CHRNB4: variants seen among roughly 807,000 people sequenced by gnomAD.
CHRNB4 encodes the protein neuronal acetylcholine receptor subunit beta-4.
In CHRNB4, 23 loss-of-function variants were observed where a neutral mutation model predicts 40.4. That is an observed-to-expected ratio of 0.57 (90% CI 0.41 to 0.81). The LOEUF is 0.81. Among genes scored for constraint, CHRNB4 ranks in the 30% least tolerant of loss-of-function variants. The pLI is 0.00. For missense variants in CHRNB4, 568 were observed against 670.6 expected (o/e 0.85, Z 1.69); for synonymous variants, 285 against 274.4 (o/e 1.04, Z -0.38).
chr15:78,660,021 A>G (rs1217194179), intron 1 of CHRNB4, among the ~76,000 whole-genome samples: 2 of 152,112 alleles, frequency 1.3e-5, no homozygotes, highest in Non-Finnish European at 2.9e-5. Context: ...AGCCTGGCCA[A>G]CATGGTGAAA....
At chr15:78,652,869 G>A (rs2054184666) in intron 5 of CHRNB4, among the ~76,000 whole-genome samples, 1 of 152,202 alleles carries the variant, frequency 6.6e-6, no homozygotes, top group African/African-American at 2.4e-5. Flanking sequence ...CAGAAATGAT[G>A]GCGGCACTAG....
upstream of CHRNB4, chr15:78,661,492 T>G: frequency 1.9e-6 from 1 of 523,136 alleles, no homozygotes; most frequent in Non-Finnish European, 3.7e-6. Flanking sequence ...ATGGAGTTGA[T>G]TTGTCTGGCC....
At chr15:78,640,549 C>T (rs2054047882) in intron 1 of CHRNB4, among the ~76,000 whole-genome samples, 3 of 152,242 alleles carry the variant, frequency 2.0e-5, no homozygotes, top group Admixed American at 2.0e-4. Flanking sequence ...CCTTCTCGGC[C>T]CAGTGTCCCC....
At chr15:78,628,371 A>C (rs138812733) in intron 5 of CHRNB4, among the ~76,000 whole-genome samples, 1 of 152,276 alleles carries the variant, frequency 6.6e-6, no homozygotes, top group East Asian at 1.9e-4. Context: ...CTGCAGAGTC[A>C]CTTCCCAGCC....
At position 78,629,641 on chromosome 15, in the gene CHRNB4, C is replaced by T. The variant is rs762961566; in HGVS notation, c.664G>A (p.Val222Met). The T allele has an allele frequency of 7.4e-6, 12 of 1,614,136 alleles. No homozygotes were observed. In the Middle Eastern group the frequency reaches 4.9e-4, roughly 67 times the overall value. Residue 222 changes from valine (V) to methionine (M), a missense_variant, in exon 5 of 6, where the codon GTG becomes ATG. Val to Met is a conservative substitution (Grantham distance 21, BLOSUM62 1). Coordinates refer to ENST00000261751, the MANE Select transcript of CHRNB4 (RefSeq NM_000750.5). This position sits in a 1 kb window ranked among gnomAD's most constrained non-coding sequence, Gnocchi z 6.8. ...VNPQDPSYVD[V>M]TYDFIIKRKP... ...CGCTTGATGATGAAGTCGTAAGTCA[C>T]GTCCACGTAGCTGGGGTCTTGTGGG...
chr15:78,654,548 C>T (rs1222639585), intron 5 of CHRNB4, among the ~76,000 whole-genome samples: 3 of 152,090 alleles, frequency 2.0e-5, no homozygotes, highest in Non-Finnish European at 2.9e-5. Context: ...CCTCTCTGTG[C>T]CTCATGTTTT....
intron 2 of CHRNB4, among the ~76,000 whole-genome samples, chr15:78,632,131 C>CT (rs1323496068): frequency 6.9e-6 from 1 of 144,926 alleles, no homozygotes; most frequent in Non-Finnish European, 1.5e-5. Flanking sequence ...CCTGCCTTCT[C>CT]TTTTTCTTTC....
chr15:78,625,394 G>T, intron 5 of CHRNB4, 103 bp from the exon 6 acceptor site: 1 of 1,123,284 alleles, frequency 8.9e-7, no homozygotes, highest in Non-Finnish European at 1.3e-6. Context: ...ACAGGCCACA[G>T]GCGTGGAACT....
intron 5 of CHRNB4, 143 bp from the exon 6 acceptor site, chr15:78,625,434 A>G (rs1400789855): frequency 2.9e-5 from 21 of 722,924 alleles, no homozygotes; most frequent in Middle Eastern, 3.0e-4. Flanking sequence ...TCTGAGTCCC[A>G]GGCTGGCCTC....
intron 2 of CHRNB4, 59 bp from the exon 3 acceptor site, chr15:78,631,391 G>A: frequency 6.4e-7 from 1 of 1,554,992 alleles, no homozygotes; most frequent in Non-Finnish European, 8.8e-7. Context: ...CAAATGGATT[G>A]CACTTTATTG....
At chr15:78,643,993 CAAAAAAA>C (rs34477808), upstream of CHRNB4, among the ~76,000 whole-genome samples, 7 of 115,988 alleles carry the variant, frequency 6.0e-5, no homozygotes, top group Admixed American at 2.9e-4. Flanking sequence ...ACTAAAAATA[CAAAAAAA>C]AAAAAAAAAA....
intron 6 of CHRNB4, among the ~76,000 whole-genome samples, chr15:78,650,775 C>G (rs192569034): frequency 4.6e-5 from 7 of 152,056 alleles, no homozygotes; most frequent in South Asian, 4.1e-4. Context: ...GGCCACCAAA[C>G]GAGGAGGGGG....
intron 1 of CHRNB4, among the ~76,000 whole-genome samples, chr15:78,640,487 C>T (rs1250505939): frequency 6.6e-6 from 1 of 152,166 alleles, no homozygotes; most frequent in East Asian, 1.9e-4. Context: ...CTGGGAGATC[C>T]ACCCCCAAAG....
chr15:78,634,723 G>A (rs922293498), intron 2 of CHRNB4: 4 of 455,896 alleles, frequency 8.8e-6, no homozygotes, highest in African/African-American at 2.0e-5. Context: ...GCTTCTTCCA[G>A]GGACGGAGTT....
chr15:78,632,188 T>C (rs541034675), intron 2 of CHRNB4, among the ~76,000 whole-genome samples: 2 of 28,070 alleles, frequency 7.1e-5, no homozygotes, highest in South Asian at 1.2e-3. Flanking sequence ...TTTCTTTCTT[T>C]CTTTCTTTCT....
At chr15:78,627,364 C>T (rs1187755262) in intron 5 of CHRNB4, 2 of 152,150 alleles carry the variant, frequency 1.3e-5, no homozygotes, top group African/African-American at 4.8e-5. Flanking sequence ...CCGATAAGCT[C>T]GCAGGCGATG....
chr15:78,641,363 T>A (rs1257961215), upstream of CHRNB4: 2 of 462,286 alleles, frequency 4.3e-6, no homozygotes, highest in Non-Finnish European at 7.5e-6. Flanking sequence ...ACCTGCCGCC[T>A]GGCTTCCCTA....
intron 6 of CHRNB4, among the ~76,000 whole-genome samples, chr15:78,652,193 G>A (rs2054177908): frequency 6.6e-6 from 1 of 152,226 alleles, no homozygotes; most frequent in African/African-American, 2.4e-5. Flanking sequence ...CCTCTGCTGG[G>A]TCATGGGGCC....
chr15:78,645,417 C>A (rs1362842639), upstream of CHRNB4, among the ~76,000 whole-genome samples: 5 of 152,040 alleles, frequency 3.3e-5, no homozygotes, highest in Admixed American at 2.6e-4. Context: ...GTATAAAAAA[C>A]TCTACTTCAG....
Sources: gnomAD v4.1 joint callset for allele counts (sites outside exome capture counted in the v4.1 genomes callset) on GRCh38, gnomAD v4.1.1 for gene constraint, Gnocchi (gnomAD v3.1) non-coding constraint, MANE v1.5 for transcripts, NCBI Gene and HGNC (gene_info 2026-07-23, HGNC 2026-07-21) for gene names.